Variants in ZNF804B observed in about 807,000 individuals in gnomAD.
ZNF804B encodes the protein zinc finger 804B.
ZNF804B carries 80 observed loss-of-function variants against 101.4 expected under a neutral mutation model. The observed-to-expected ratio is 0.79, with a 90% confidence interval of 0.66 to 0.95. The LOEUF (loss-of-function observed/expected upper bound fraction) is 0.95, where lower values mean the gene tolerates loss of function less well. Among genes scored for constraint, ZNF804B ranks in the 40% least tolerant of loss-of-function variants. The probability of loss-of-function intolerance (pLI) is 0.00; values close to 1 mark genes in which losing one functional copy is unlikely to be tolerated. For missense variants in ZNF804B, 1,673 were observed against 1,561.9 expected (o/e 1.07, Z -1.20); for synonymous variants, 622 against 558.8 (o/e 1.11, Z -1.59).
intron 2 of ZNF804B, among the ~76,000 whole-genome samples, chr7:89,296,744 T>G (rs1261379637): frequency 6.6e-6 from 1 of 152,026 alleles, no homozygotes; most frequent in Admixed American, 6.6e-5. Context: ...CCTGCTAAAT[T>G]TTTAAAAAGA....
intron 1 of ZNF804B, among the ~76,000 whole-genome samples, chr7:89,133,318 G>T (rs181246434): frequency 2.0e-3 from 307 of 152,118 alleles, no homozygotes; most frequent in Admixed American, 7.1e-3. Flanking sequence ...GGGCCCTGAA[G>T]ATGAGACTTC....
intron 1 of ZNF804B, among the ~76,000 whole-genome samples, chr7:88,854,524 T>TTCCTTC (rs1562812887): frequency 4.5e-5 from 3 of 66,112 alleles, no homozygotes; most frequent in South Asian, 6.1e-4. Context: ...TTCCTTTCCT[T>TTCCTTC]CCTTTCCTTC....
intron 1 of ZNF804B, among the ~76,000 whole-genome samples, chr7:88,792,239 T>C (rs914048025): frequency 7.2e-5 from 11 of 152,034 alleles, no homozygotes; most frequent in Non-Finnish European, 1.2e-4. Context: ...CACTACACAA[T>C]GGGAGGAATA....
chr7:89,039,671 A>G (rs1176328850), intron 1 of ZNF804B, among the ~76,000 whole-genome samples: 1 of 151,540 alleles, frequency 6.6e-6, no homozygotes, highest in Non-Finnish European at 1.5e-5. Flanking sequence ...TCTTGTAGGC[A>G]CTATCTAGAA....
In ZNF804B at chr7:89,272,707, G is replaced by GA. The variant is rs1789916745; in HGVS notation, c.249+54418dup. 3.3e-5 allele frequency among the ~76,000 whole-genome samples: 5 copies of GA among 152,038 alleles called. No individual in the cohort carries two copies. The South Asian group carries it at 6.2e-4, about 19-fold the overall frequency. On this transcript the variant is annotated intron_variant, in intron 2 of 3. Coordinates refer to ENST00000333190, the MANE Select transcript of ZNF804B (RefSeq NM_181646.5). ...GCAAGTCTCAGAGAGTTGGAGAAGG[G>GA]AAAAAATGCTTTAATCTTCATCTTT...
chr7:88,777,782 A>T (rs567611084), intron 1 of ZNF804B, among the ~76,000 whole-genome samples: 1 of 145,074 alleles, frequency 6.9e-6, no homozygotes, highest in Non-Finnish European at 1.5e-5. Flanking sequence ...CCAGAGGCAG[A>T]GGTTGCAGTG....
At chr7:89,079,221 C>T (rs1789658394) in intron 1 of ZNF804B, among the ~76,000 whole-genome samples, 1 of 151,966 alleles carries the variant, frequency 6.6e-6, no homozygotes, top group Admixed American at 6.6e-5. Context: ...TAGAACATGG[C>T]TATTAGATGT....
intron 1 of ZNF804B, among the ~76,000 whole-genome samples, chr7:88,982,075 T>G (rs1237219829): frequency 6.6e-6 from 1 of 152,028 alleles, no homozygotes; most frequent in Non-Finnish European, 1.5e-5. Flanking sequence ...TCTGCCTTCT[T>G]TCAAGCTGAT....
chr7:89,132,918 G>A (rs1790574936), intron 1 of ZNF804B, among the ~76,000 whole-genome samples: 1 of 152,006 alleles, frequency 6.6e-6, no homozygotes, highest in African/African-American at 2.4e-5. Context: ...AAGGGGCTGA[G>A]ATTTCAAGAA....
chr7:89,197,197 C>A (rs1055134395), intron 1 of ZNF804B, among the ~76,000 whole-genome samples: 9 of 151,788 alleles, frequency 5.9e-5, no homozygotes, highest in African/African-American at 1.9e-4. Flanking sequence ...CAGAGATAGC[C>A]CTGAACTTAA....
chr7:88,972,705 G>T (rs374925623), intron 1 of ZNF804B, among the ~76,000 whole-genome samples: 1 of 151,024 alleles, frequency 6.6e-6, no homozygotes, highest in Non-Finnish European at 1.5e-5. Context: ...AATATAGTTA[G>T]GAGTGATAAT....
At chr7:88,785,865 T>G (rs1009635790) in intron 1 of ZNF804B, among the ~76,000 whole-genome samples, 1 of 152,162 alleles carries the variant, frequency 6.6e-6, no homozygotes, top group Admixed American at 6.6e-5. Flanking sequence ...CTTTCAGAAA[T>G]CCCTGTGTCT....
intron 1 of ZNF804B, among the ~76,000 whole-genome samples, chr7:88,989,454 A>G (rs1422022493): frequency 6.6e-6 from 1 of 152,140 alleles, no homozygotes; most frequent in African/African-American, 2.4e-5. Context: ...ACACAAAACA[A>G]CTATACCATT....
chr7:89,303,836 T>C (rs1790520306), intron 2 of ZNF804B, among the ~76,000 whole-genome samples: 1 of 151,878 alleles, frequency 6.6e-6, no homozygotes, highest in African/African-American at 2.4e-5. Flanking sequence ...TATTTATAAA[T>C]TAATTATGCA....
intron 1 of ZNF804B, among the ~76,000 whole-genome samples, chr7:89,004,174 A>C (rs534635645): frequency 6.6e-6 from 1 of 151,992 alleles, no homozygotes; most frequent in South Asian, 2.1e-4. Context: ...GTATTCAAAA[A>C]AGCAAATCAA....
chr7:88,797,855 G>T (rs181016582), intron 1 of ZNF804B, among the ~76,000 whole-genome samples: 1 of 152,078 alleles, frequency 6.6e-6, no homozygotes, highest in African/African-American at 2.4e-5. Flanking sequence ...AAAATATAAA[G>T]AATTGCCACA....
chr7:88,983,518 C>G (rs1002375217), intron 1 of ZNF804B, among the ~76,000 whole-genome samples: 3 of 151,798 alleles, frequency 2.0e-5, no homozygotes, highest in Admixed American at 2.0e-4. Flanking sequence ...TCCAATACTG[C>G]AGCCACTATG....
chr7:88,949,906 T>A (rs1793191959), intron 1 of ZNF804B, among the ~76,000 whole-genome samples: 1 of 151,956 alleles, frequency 6.6e-6, no homozygotes, highest in African/African-American at 2.4e-5. Context: ...GTATAGTAGG[T>A]TATATCATCT....
At chr7:89,160,782 A>G (rs1232557553) in intron 1 of ZNF804B, among the ~76,000 whole-genome samples, 2 of 152,130 alleles carry the variant, frequency 1.3e-5, no homozygotes, top group Non-Finnish European at 2.9e-5. Flanking sequence ...TCTGAACTAA[A>G]TCCCCTCTTC....
Sources: gnomAD v4.1 joint callset for allele counts (sites outside exome capture counted in the v4.1 genomes callset) on GRCh38, gnomAD v4.1.1 for gene constraint, MANE v1.5 for transcripts, NCBI Gene and HGNC (gene_info 2026-07-23, HGNC 2026-07-21) for gene names.